The following FMN2 variants were observed in gnomAD, a reference collection of about 807,000 sequenced individuals.
FMN2 encodes formin-2.
Under a neutral mutation model 142.3 loss-of-function variants are expected in FMN2, and 51 were observed. That is an observed-to-expected ratio of 0.36 (90% CI 0.29 to 0.45). The LOEUF (loss-of-function observed/expected upper bound fraction) is 0.45. FMN2 is among the 20% of genes least tolerant of loss of function. The pLI, the probability that FMN2 is intolerant of heterozygous loss-of-function variation, is 1.00. For synonymous variants in FMN2, 882 were observed against 869.8 expected (o/e 1.01, Z -0.25); for missense variants, 1,936 against 2,122.8 (o/e 0.91, Z 1.73).
intron 14 of FMN2, among the ~76,000 whole-genome samples, chr1:240,368,970 T>TAC (rs1235950792): frequency 6.6e-6 from 1 of 151,460 alleles, no homozygotes; most frequent in African/African-American, 2.4e-5. Flanking sequence ...TATATATATA[T>TAC]ATAAACACAG....
intron 1 of FMN2, among the ~76,000 whole-genome samples, chr1:240,117,670 A>T (rs911628995): frequency 6.6e-6 from 1 of 152,222 alleles, no homozygotes; most frequent in African/African-American, 2.4e-5. Context: ...GTTCTAGAGT[A>T]AGAGCCTAAA....
intron 14 of FMN2, among the ~76,000 whole-genome samples, chr1:240,391,829 A>C (rs1673615173): frequency 6.6e-6 from 1 of 152,062 alleles, no homozygotes; most frequent in Non-Finnish European, 1.5e-5. Flanking sequence ...ACTTGTCAAA[A>C]AAAAAAAATG....
At chr1:240,331,828 G>A (rs1218121612) in intron 11 of FMN2, among the ~76,000 whole-genome samples, 4 of 152,062 alleles carry the variant, frequency 2.6e-5, no homozygotes, top group Non-Finnish European at 1.5e-5. Context: ...CCTACAGTTG[G>A]GCAAATCATC....
chr1:240,241,280 T>C (rs946527201), intron 6 of FMN2, among the ~76,000 whole-genome samples: 4 of 151,512 alleles, frequency 2.6e-5, no homozygotes, highest in African/African-American at 9.7e-5. Context: ...CCTAAATGTT[T>C]CAGCTTTTTC....
chr1:240,396,658 A>G (rs1461074449), intron 15 of FMN2, among the ~76,000 whole-genome samples: 1 of 152,002 alleles, frequency 6.6e-6, no homozygotes, highest in Non-Finnish European at 1.5e-5. Context: ...GCTTATGTCT[A>G]TGTGTGGTCA....
intron 1 of FMN2, among the ~76,000 whole-genome samples, chr1:240,101,353 T>C (rs1054121136): frequency 6.6e-6 from 1 of 152,218 alleles, no homozygotes; most frequent in Admixed American, 6.5e-5. Flanking sequence ...AAAATTCCTA[T>C]GCCGGAAGAC....
chr1:240,216,500 G>A (rs1180777076), intron 6 of FMN2, among the ~76,000 whole-genome samples: 1 of 152,126 alleles, frequency 6.6e-6, no homozygotes, highest in Non-Finnish European at 1.5e-5. Context: ...GAGAATGGGA[G>A]AAAAAGTATG....
At chr1:240,395,734 C>A (rs1673750454) in intron 15 of FMN2, among the ~76,000 whole-genome samples, 1 of 152,160 alleles carries the variant, frequency 6.6e-6, no homozygotes, top group Admixed American at 6.5e-5. Flanking sequence ...TGAGGAGTTG[C>A]TTCTTATGAA....
chr1:240,349,034 G>A (rs556018145), intron 13 of FMN2, among the ~76,000 whole-genome samples: 3 of 152,222 alleles, frequency 2.0e-5, no homozygotes, highest in South Asian at 2.1e-4. Flanking sequence ...ACCAAAAGTC[G>A]AGCCTGTGGT....
rs187706893 is a variant in FMN2, at chr1:240,396,365, A to G, written c.4910+3803A>G. Among the ~76,000 whole-genome samples, 389 of 149,594 alleles carry G rather than the reference A, an allele frequency of 2.6e-3. 1 individual carries two copies. Among genetic ancestry groups the G allele is most frequent in the African/African-American group, 9.3e-3 (377 of 40,634 alleles). ...GTGTGTAAAGAAAGATAGAGAATTG[A>G]CTCATGCGATTGTAAAATTGGCAAG... On this transcript the variant is annotated intron_variant, in intron 15 of 17. Coordinates refer to ENST00000319653, the MANE Select transcript of FMN2 (RefSeq NM_020066.5).
chr1:240,218,059 CG>C lies in FMN2; in HGVS notation c.4065+6826del, dbSNP rs537065801. Reference sequence around the variant, plus strand: ...CAGCACTTTGGGAGGCCTAGGTGGGCGGATCACAAGGTCAAGAGATCGAGAC... The same window carrying C: ...CAGCACTTTGGGAGGCCTAGGTGGGCGATCACAAGGTCAAGAGATCGAGAC... On this transcript the variant is annotated intron_variant, in intron 6 of 17. Transcript: ENST00000319653. Among the ~76,000 whole-genome samples the C allele has an allele frequency of 5.3e-5, 8 of 151,928 alleles. No individual in the cohort carries two copies. The South Asian group carries it at 1.7e-3, about 32-fold the overall frequency.
chr1:240,138,064 C>CAAAAAAAA (rs369637580), intron 2 of FMN2, among the ~76,000 whole-genome samples: 2 of 95,580 alleles, frequency 2.1e-5, no homozygotes, highest in African/African-American at 8.0e-5. Context: ...GACTCCATCT[C>CAAAAAAAA]AAAAAAAAAA....
chr1:240,437,517 T>C (rs569346968), intron 15 of FMN2, among the ~76,000 whole-genome samples: 2 of 152,066 alleles, frequency 1.3e-5, no homozygotes, highest in Admixed American at 6.5e-5. Flanking sequence ...TTAGCCAGGA[T>C]GGTCTCGATC....
Position 240,318,221 on chromosome 1 carries a change from C to T in FMN2, c.4216-10855C>T, listed in dbSNP as rs550072613. On this transcript the variant is annotated intron_variant, in intron 8 of 17. Transcript: ENST00000319653. The stretch of plus-strand genomic sequence containing the variant: ...TAGGCCTTGTATTAAGTAGCACTGC[C>T]TCATACCCACTTGCTCCACTTCATA... Among the ~76,000 whole-genome samples, 289 of 152,254 alleles carry T rather than the reference C, an allele frequency of 1.9e-3. 3 individuals carry two copies. The highest frequency in any genetic ancestry group is 6.5e-3 in the African/African-American group (268 of 41,532).
At chr1:240,139,379 G>A (rs1294702247) in intron 2 of FMN2, among the ~76,000 whole-genome samples, 1 of 152,098 alleles carries the variant, frequency 6.6e-6, no homozygotes, top group Non-Finnish European at 1.5e-5. Context: ...AAGGCCATTA[G>A]TTTTTTGTAT....
chr1:240,156,594 A>AT (rs1432488264), intron 2 of FMN2, among the ~76,000 whole-genome samples: 2 of 152,124 alleles, frequency 1.3e-5, no homozygotes, highest in Admixed American at 6.5e-5. Flanking sequence ...CACAAGAGGG[A>AT]TTTTTTCTCT....
intron 4 of FMN2, among the ~76,000 whole-genome samples, chr1:240,202,340 C>T (rs867065491): frequency 2.6e-5 from 4 of 152,236 alleles, no homozygotes; most frequent in Middle Eastern, 6.8e-3. Context: ...TCCCAGGAAT[C>T]TTCACAGTCA....
intron 2 of FMN2, among the ~76,000 whole-genome samples, chr1:240,145,641 C>T (rs111344006): frequency 2.6e-4 from 37 of 142,226 alleles, no homozygotes; most frequent in African/African-American, 8.8e-4. Context: ...TGTCGAGTAG[C>T]GAGGACCACA....
In FMN2 at chr1:240,277,525, C is replaced by CTTTTT. The variant is rs34678861; in HGVS notation, c.4154-17276_4154-17272dup. Among the ~76,000 whole-genome samples the CTTTTT allele has an allele frequency of 1.6e-3, 108 of 66,142 alleles. 2 individuals carry two copies. Among genetic ancestry groups the CTTTTT allele is most frequent in the African/African-American group, 5.3e-3 (82 of 15,412 alleles). The allele number at this position is 66,142 out of a possible 152,430, so 43.4% of individuals were successfully genotyped here. A position where few individuals can be genotyped will look rare whatever the true frequency, so the allele number is the denominator to read the frequency against. ...CAACTTTAAGTACCTGCATCTTCTT[C>CTTTTT]TTTTTTTTTTTTTTTTTTTTTTTTT... On this transcript the variant is annotated intron_variant, in intron 7 of 17. Transcript: ENST00000319653.
Sources: allele counts gnomAD v4.1 joint callset (sites outside exome capture counted in the v4.1 genomes callset), GRCh38; gene constraint gnomAD v4.1.1; transcripts MANE v1.5; gene names NCBI Gene and HGNC (gene_info 2026-07-23, HGNC 2026-07-21).